The following WDR27 variants were observed in gnomAD, a reference collection of about 807,000 sequenced individuals.
WDR27 encodes the protein WD repeat domain 27.
A neutral mutation model predicts 114.4 loss-of-function variants in WDR27; 100 were observed. That is an observed-to-expected ratio of 0.87 (90% CI 0.74 to 1.03). The LOEUF (loss-of-function observed/expected upper bound fraction) is 1.03. Ranked by LOEUF, WDR27 falls within the 50% of genes least tolerant of loss-of-function variation. The probability of loss-of-function intolerance (pLI) is 0.00; values close to 1 mark genes in which losing one functional copy is unlikely to be tolerated. For missense variants in WDR27, 1,129 were observed against 1,092.9 expected, an observed-to-expected ratio of 1.03 and a Z score of -0.47; for synonymous variants, 449 against 423.1, an observed-to-expected ratio of 1.06 and a Z score of -0.75.
At chr6:169,441,416 G>A in the WDR27 span, among the ~76,000 whole-genome samples, 1 of 152,200 alleles carries the variant, frequency 6.6e-6, no homozygotes, top group Non-Finnish European at 1.5e-5. Flanking sequence ...GTCCACCTAA[G>A]TAGATTAGAG....
chr6:169,675,243 C>G (rs1441728526), intron 2 of WDR27, among the ~76,000 whole-genome samples: 1 of 152,044 alleles, frequency 6.6e-6, no homozygotes, highest in Non-Finnish European at 1.5e-5. Context: ...GCCATCCTCA[C>G]CATGGTGAGT....
chr6:169,640,033 C>A (rs1051552098), intron 17 of WDR27, among the ~76,000 whole-genome samples: 1 of 152,116 alleles, frequency 6.6e-6, no homozygotes, highest in African/African-American at 2.4e-5. Context: ...CAGCCTCTGA[C>A]CCCTGAGCAC....
At chr6:169,474,197 T>G (rs1786823222) in intron 25 of WDR27, among the ~76,000 whole-genome samples, 1 of 152,184 alleles carries the variant, frequency 6.6e-6, no homozygotes. Flanking sequence ...AACAAAGAAA[T>G]ATGGTGTTGC....
intron 24 of WDR27, among the ~76,000 whole-genome samples, chr6:169,580,548 C>T (rs1361167473): frequency 6.6e-6 from 1 of 152,184 alleles, no homozygotes; most frequent in Non-Finnish European, 1.5e-5. Flanking sequence ...CACCATCCCA[C>T]GTGCTTCTTT....
intron 15 of WDR27, 69 bp downstream of exon 15, chr6:169,649,129 A>T: frequency 7.6e-7 from 1 of 1,320,518 alleles, no homozygotes; most frequent in Non-Finnish European, 1.1e-6. Context: ...TTTGGAAAAG[A>T]ACCAGTTAAA....
chr6:169,470,967 T>C (rs1164139754), intron 25 of WDR27, among the ~76,000 whole-genome samples: 1 of 152,140 alleles, frequency 6.6e-6, no homozygotes, highest in East Asian at 1.9e-4. Context: ...TTTATACCTA[T>C]GCCAGCACCC....
intron 1 of WDR27, among the ~76,000 whole-genome samples, chr6:169,697,964 G>A (rs570311315): frequency 1.8e-4 from 27 of 152,238 alleles, no homozygotes; most frequent in African/African-American, 6.0e-4. Context: ...CTGACCCTGC[G>A]GGCTGGTCCC....
Position 169,575,166 on chromosome 6 carries a change from C to G in WDR27, c.2524-2626G>C, listed in dbSNP as rs147682618. Among the ~76,000 whole-genome samples, 108 of 152,246 alleles carry G rather than the reference C, an allele frequency of 7.1e-4. No individual in the cohort carries two copies. The East Asian group carries it at 0.017, about 24-fold the overall frequency. On this transcript the variant is annotated intron_variant, in intron 24 of 25. Coordinates refer to ENST00000448612, the MANE Select transcript of WDR27 (RefSeq NM_182552.5). ...TCTTGGGACTTCTCGGCCTCCACAA[C>G]TGCATGAGCCAATTCACATAAAAAA...
chr6:169,608,155 T>C (rs1809651105), intron 22 of WDR27, among the ~76,000 whole-genome samples: 1 of 152,196 alleles, frequency 6.6e-6, no homozygotes, highest in African/African-American at 2.4e-5. Flanking sequence ...CTGTTTTCCA[T>C]GGAACTAAAA....
intron 25 of WDR27, among the ~76,000 whole-genome samples, chr6:169,472,971 A>T (rs1562461766): frequency 1.3e-5 from 2 of 152,226 alleles, no homozygotes; most frequent in African/African-American, 4.8e-5. Context: ...TCTGCAAAAC[A>T]CTGCTACAAA....
intron 25 of WDR27, among the ~76,000 whole-genome samples, chr6:169,534,548 T>C (rs1280531522): frequency 6.6e-6 from 1 of 152,112 alleles, no homozygotes; most frequent in Non-Finnish European, 1.5e-5. Context: ...TTTATTATTA[T>C]TACTAAGTTA....
chr6:169,484,864 C>T (rs1370551682), intron 25 of WDR27, among the ~76,000 whole-genome samples: 1 of 152,066 alleles, frequency 6.6e-6, no homozygotes, highest in African/African-American at 2.4e-5. Flanking sequence ...GAAATAAGGC[C>T]ACACACCTAT....
At chr6:169,628,307 G>A (rs1006538077) in intron 21 of WDR27, among the ~76,000 whole-genome samples, 17 of 152,166 alleles carry the variant, frequency 1.1e-4, no homozygotes, top group African/African-American at 3.4e-4. Flanking sequence ...ATACATTTCT[G>A]TTGCTTGTAA....
intron 23 of WDR27, among the ~76,000 whole-genome samples, chr6:169,586,635 G>A (rs1337476090): frequency 6.6e-6 from 1 of 152,022 alleles, no homozygotes; most frequent in Non-Finnish European, 1.5e-5. Flanking sequence ...AAGGTGGGCG[G>A]ATCATGAGAT....
At chr6:169,436,718 G>A in the WDR27 span, among the ~76,000 whole-genome samples, 2 of 152,006 alleles carry the variant, frequency 1.3e-5, no homozygotes, top group South Asian at 2.1e-4. Flanking sequence ...GATAAAACAT[G>A]AGTCATTTCT....
At chr6:169,468,867 G>T (rs1372058813) in intron 25 of WDR27, among the ~76,000 whole-genome samples, 1 of 152,204 alleles carries the variant, frequency 6.6e-6, no homozygotes, top group Non-Finnish European at 1.5e-5. Flanking sequence ...TTCTGGTGAT[G>T]GCTCTCTTCC....
intron 21 of WDR27, among the ~76,000 whole-genome samples, chr6:169,619,367 G>A (rs202201455): frequency 1.4e-4 from 22 of 152,194 alleles, no homozygotes; most frequent in African/African-American, 5.1e-4. Flanking sequence ...TATCCTATGC[G>A]CCTCTTGTCG....
chr6:169,656,532 C>T (rs375120062), intron 13 of WDR27, among the ~76,000 whole-genome samples: 8 of 151,560 alleles, frequency 5.3e-5, no homozygotes, highest in South Asian at 2.1e-4. Context: ...GCATGTGAGG[C>T]GGCTTGTGGG....
At position 169,698,182 on chromosome 6, in the gene WDR27, G is replaced by A. The variant is rs541992770; in HGVS notation, c.-8+3369C>T. Among the ~76,000 whole-genome samples the A allele has an allele frequency of 5.3e-5, 8 of 152,252 alleles. 1 individual carries two copies. The South Asian group carries it at 1.4e-3, about 28-fold the overall frequency. ...GGGTCAGTCTGGCCCCAGTGTGCAC[G>A]AGCTGATGTCCCACCTCTCCAGCTG... On this transcript the variant is annotated intron_variant, in intron 1 of 25. Transcript: ENST00000448612.
Sources: allele counts gnomAD v4.1 joint callset (sites outside exome capture counted in the v4.1 genomes callset), GRCh38; gene constraint gnomAD v4.1.1; transcripts MANE v1.5; gene names NCBI Gene and HGNC (gene_info 2026-07-23, HGNC 2026-07-21).